The following CIROZ variants were observed in gnomAD, a reference collection of about 807,000 sequenced individuals.
CIROZ encodes the protein ciliated left-right organizer protein containing ZP-N domains.
chr1:10,947,668 G>C, the CIROZ span: 2 of 1,496,904 alleles, frequency 1.3e-6, no homozygotes, highest in Admixed American at 4.7e-5. Flanking sequence ...GAGGCTCAGC[G>C]TGAGGGCCTC....
At chr1:10,955,008 G>A in the CIROZ span, 188 of 1,604,338 alleles carry the variant, frequency 1.2e-4, no homozygotes, top group South Asian at 4.6e-4. Flanking sequence ...GGAGCACCCC[G>A]GCCGCCGGAA....
the CIROZ span, among the ~76,000 whole-genome samples, chr1:10,963,961 C>T: frequency 1.3e-5 from 2 of 152,126 alleles, no homozygotes; most frequent in African/African-American, 4.8e-5. Flanking sequence ...CTAGCCAGTA[C>T]CCAGGGATGT....
chr1:10,947,886 G>A, the CIROZ span: 36 of 1,613,026 alleles, frequency 2.2e-5, no homozygotes, highest in Non-Finnish European at 2.8e-5. Flanking sequence ...GGACGTGTGT[G>A]CAACCCCCCA....
the CIROZ span, chr1:10,947,776 C>A: frequency 6.3e-7 from 1 of 1,596,212 alleles, no homozygotes; most frequent in Non-Finnish European, 8.6e-7. Context: ...TGGAGTGAGG[C>A]CCCCCGGCCA....
At chr1:10,973,297 T>C in the CIROZ span, among the ~76,000 whole-genome samples, 1 of 152,260 alleles carries the variant, frequency 6.6e-6, no homozygotes, top group African/African-American at 2.4e-5. Flanking sequence ...CGCTTGAACC[T>C]GGGAGGTGGA....
chr1:10,954,967 C>T, the CIROZ span: 1 of 1,581,150 alleles, frequency 6.3e-7, no homozygotes, highest in African/African-American at 1.3e-5. Context: ...AGGGGCGAGA[C>T]AGAGATGCCA....
At chr1:10,956,196 A>G in the CIROZ span, among the ~76,000 whole-genome samples, 11 of 152,284 alleles carry the variant, frequency 7.2e-5, no homozygotes, top group East Asian at 2.1e-3. Context: ...GAGTTCTTTG[A>G]ATTTAAATTC....
chr1:10,966,539 C>G, the CIROZ span: 1 of 1,468,694 alleles, frequency 6.8e-7, no homozygotes, highest in Non-Finnish European at 9.0e-7. Flanking sequence ...GCTTCTCTGG[C>G]AGGGTCAGAA....
the CIROZ span, chr1:10,948,648 C>T: frequency 3.3e-5 from 53 of 1,613,454 alleles, no homozygotes; most frequent in East Asian, 1.6e-4. Context: ...TGGACGTGGC[C>T]GCCAGGGACT....
chr1:10,952,089 G>C, the CIROZ span, among the ~76,000 whole-genome samples: 2 of 152,066 alleles, frequency 1.3e-5, no homozygotes, highest in Admixed American at 1.3e-4. Flanking sequence ...GCAAGATAAG[G>C]CCTGTCAAGA....
chr1:10,947,928 G>C, the CIROZ span: 4 of 1,613,660 alleles, frequency 2.5e-6, no homozygotes, highest in African/African-American at 5.3e-5. Flanking sequence ...GCCAGGGGCT[G>C]ACTCCAGGTA....
the CIROZ span, among the ~76,000 whole-genome samples, chr1:10,952,442 A>G: frequency 2.4e-4 from 36 of 152,010 alleles, no homozygotes; most frequent in African/African-American, 8.7e-4. Flanking sequence ...TCTCATCAAA[A>G]CCTAGGATAA....
the CIROZ span, chr1:10,948,106 G>A: frequency 1.2e-6 from 2 of 1,613,346 alleles, no homozygotes; most frequent in East Asian, 2.2e-5. Flanking sequence ...CAGGCACTGG[G>A]GTCTGGCTGC....
chr1:10,979,962 G>A, the CIROZ span, among the ~76,000 whole-genome samples: 3 of 152,162 alleles, frequency 2.0e-5, no homozygotes, highest in African/African-American at 2.4e-5. Context: ...CAGGAAAATC[G>A]CTTGAACCTG....
the CIROZ span, chr1:10,948,140 G>A: frequency 9.9e-6 from 16 of 1,613,500 alleles, no homozygotes; most frequent in Non-Finnish European, 1.4e-5. Context: ...TGGAGAATGT[G>A]GCATCCCTCG....
At chr1:10,964,031 T>C in the CIROZ span, 1 of 1,466,582 alleles carries the variant, frequency 6.8e-7, no homozygotes, top group Non-Finnish European at 9.2e-7. Flanking sequence ...GGCCACGTCC[T>C]GTGGTGCAGG....
chr1:10,968,966 C>T, the CIROZ span, among the ~76,000 whole-genome samples: 6 of 152,270 alleles, frequency 3.9e-5, no homozygotes, highest in East Asian at 7.7e-4. Context: ...AAAGAACAGG[C>T]GACAGCTTAA....
chr1:10,952,165 C>T, the CIROZ span, among the ~76,000 whole-genome samples: 3 of 152,066 alleles, frequency 2.0e-5, no homozygotes, highest in Non-Finnish European at 1.5e-5. Context: ...GAGACAGGAG[C>T]ATGCACCATA....
chr1:10,950,092 G>C, the CIROZ span, among the ~76,000 whole-genome samples: 2 of 140,500 alleles, frequency 1.4e-5, no homozygotes, highest in Non-Finnish European at 3.0e-5. Flanking sequence ...GGAGTGTAGT[G>C]GTACAGTCTC....
Sources: gnomAD v4.1 joint callset for allele counts (sites outside exome capture counted in the v4.1 genomes callset) on GRCh38, gnomAD v4.1.1 for gene constraint, MANE v1.5 for transcripts, NCBI Gene and HGNC (gene_info 2026-07-23, HGNC 2026-07-21) for gene names.